Variants in SRRM4 observed in about 807,000 individuals in gnomAD.
The protein encoded by SRRM4 is serine/arginine repetitive matrix 4, also known as serine/arginine repetitive matrix protein 4.
Under a neutral mutation model 68.9 loss-of-function variants are expected in SRRM4, and 33 were observed. The ratio of observed to expected loss-of-function variants is 0.48; its 90% CI spans 0.36 to 0.64. The LOEUF is 0.64. Among genes scored for constraint, SRRM4 ranks in the 30% least tolerant of loss-of-function variants. SRRM4 has a pLI of 0.00. For synonymous variants in SRRM4, 318 were observed against 318.8 expected (o/e 1.00, Z 0.03); for missense variants, 817 against 827.1 (o/e 0.99, Z 0.15).
chr12:119,076,122 CAATG>C (rs1953914321), intron 1 of SRRM4, among the ~76,000 whole-genome samples: 1 of 151,348 alleles, frequency 6.6e-6, no homozygotes, highest in South Asian at 2.1e-4. Flanking sequence ...AGGATAGTGA[CAATG>C]AATGATGATG....
intron 1 of SRRM4, among the ~76,000 whole-genome samples, chr12:119,034,511 A>G (rs1213287592): frequency 6.6e-6 from 1 of 152,220 alleles, no homozygotes; most frequent in Non-Finnish European, 1.5e-5. Context: ...TAAAAATCTA[A>G]TGCATGCATA....
intron 1 of SRRM4, among the ~76,000 whole-genome samples, chr12:119,033,419 A>G (rs1450707914): frequency 6.6e-6 from 1 of 152,208 alleles, no homozygotes; most frequent in African/African-American, 2.4e-5. Flanking sequence ...TAATCCCAGC[A>G]CTTAGGGAGA....
chr12:119,079,137 G>A (rs1200848712), intron 1 of SRRM4, among the ~76,000 whole-genome samples: 1 of 152,098 alleles, frequency 6.6e-6, no homozygotes, highest in East Asian at 1.9e-4. Context: ...TGCAGGTGGA[G>A]GGAACTTCAT....
At chr12:119,025,305 T>C (rs976122787) in intron 1 of SRRM4, among the ~76,000 whole-genome samples, 17 of 151,982 alleles carry the variant, frequency 1.1e-4, no homozygotes, top group African/African-American at 4.1e-4. Flanking sequence ...GGCTGGAATA[T>C]ATGGTGCAAG....
intron 1 of SRRM4, among the ~76,000 whole-genome samples, chr12:119,095,565 G>A (rs1331184334): frequency 1.3e-5 from 2 of 152,088 alleles, no homozygotes; most frequent in Admixed American, 6.5e-5. Context: ...GGATTAGTAA[G>A]TCCTCTATAC....
chr12:119,156,394 G>A, intron 12 of SRRM4, 101 bp from the exon 13 acceptor site: 2 of 1,454,100 alleles, frequency 1.4e-6, no homozygotes, highest in South Asian at 2.9e-5. Context: ...AAGGGACTGG[G>A]GAAAGGGAGG....
intron 1 of SRRM4, among the ~76,000 whole-genome samples, chr12:119,081,956 T>C (rs921223976): frequency 3.9e-5 from 6 of 152,218 alleles, no homozygotes; most frequent in African/African-American, 9.6e-5. Flanking sequence ...TTGGAAACCA[T>C]TCTCAAATTT....
intron 1 of SRRM4, among the ~76,000 whole-genome samples, chr12:119,099,694 T>C (rs1954066917): frequency 6.6e-6 from 1 of 152,248 alleles, no homozygotes; most frequent in Non-Finnish European, 1.5e-5. Context: ...AGTCTCATCA[T>C]AAGGCTTGAC....
At position 118,991,514 on chromosome 12, in the gene SRRM4, G is replaced by A. The variant is rs148826942; in HGVS notation, c.131+9501G>A. Reference sequence around the variant, plus strand: ...TTGGCTAAAGCATACCTCTCCTAACGGTTGAGGCCTCATGAGGAGAGGGAC... The same window carrying A: ...TTGGCTAAAGCATACCTCTCCTAACAGTTGAGGCCTCATGAGGAGAGGGAC... On this transcript the variant is annotated intron_variant, in intron 1 of 12. Coordinates refer to ENST00000267260, the MANE Select transcript of SRRM4 (RefSeq NM_194286.4). Among the ~76,000 whole-genome samples, 418 of 152,290 alleles carry A rather than the reference G, an allele frequency of 2.7e-3. 1 individual carries two copies. The highest frequency in any genetic ancestry group is 2.6e-3 in the Non-Finnish European group (178 of 68,016).
At chr12:119,040,643 G>T (rs1344054908) in intron 1 of SRRM4, among the ~76,000 whole-genome samples, 2 of 152,194 alleles carry the variant, frequency 1.3e-5, no homozygotes, top group African/African-American at 4.8e-5. Context: ...GAATTGTGCT[G>T]CTATAAACAT....
At chr12:119,050,552 G>C (rs1210843254) in intron 1 of SRRM4, among the ~76,000 whole-genome samples, 3 of 152,222 alleles carry the variant, frequency 2.0e-5, no homozygotes, top group Non-Finnish European at 2.9e-5. Context: ...ACTTGCAGCA[G>C]AGTGTAAGAC....
chr12:119,093,700 T>C (rs1954027708), intron 1 of SRRM4, among the ~76,000 whole-genome samples: 1 of 152,118 alleles, frequency 6.6e-6, no homozygotes, highest in South Asian at 2.1e-4. Flanking sequence ...GGACTCCAGG[T>C]CCCATGCATT....
At chr12:119,007,734 G>A (rs989253191) in intron 1 of SRRM4, among the ~76,000 whole-genome samples, 5 of 152,106 alleles carry the variant, frequency 3.3e-5, no homozygotes, top group Non-Finnish European at 5.9e-5. Flanking sequence ...CTTGAAATAC[G>A]GTTCTCTTTT....
In SRRM4 at chr12:119,159,307, T is replaced by G. The variant is rs1294828668; in HGVS notation, c.*2509T>G. 1 of 152,274 alleles carries G rather than the reference T, an allele frequency of 6.6e-6. No individual in the cohort carries two copies. Among genetic ancestry groups the G allele is most frequent in the South Asian group, 2.1e-4 (1 of 4,820 alleles). The allele number at this position is 152,274 out of a possible 1,614,324, so 9.4% of individuals were successfully genotyped here. On this transcript the variant is annotated 3_prime_UTR_variant, in exon 13 of 13. Transcript: ENST00000267260. ...CCCAGAGGCTTATGAGCTACAGTGA[T>G]GAATTGACACAGTGGAGTTGCAACT...
intron 1 of SRRM4, among the ~76,000 whole-genome samples, chr12:119,082,794 C>T (rs1386871281): frequency 6.6e-6 from 1 of 152,224 alleles, no homozygotes; most frequent in Admixed American, 6.5e-5. Flanking sequence ...AAAAGCAGGG[C>T]TCTGCTTGCT....
intron 1 of SRRM4, among the ~76,000 whole-genome samples, chr12:119,021,816 A>T (rs1407639862): frequency 6.6e-6 from 1 of 152,086 alleles, no homozygotes; most frequent in Non-Finnish European, 1.5e-5. Context: ...CATTTTCTTT[A>T]TCTAGTCTAT....
intron 10 of SRRM4, among the ~76,000 whole-genome samples, chr12:119,151,577 T>C (rs1338567440): frequency 6.6e-6 from 1 of 152,190 alleles, no homozygotes; most frequent in Admixed American, 6.5e-5. Context: ...TCCCCAAACT[T>C]AGCATCTTTA....
At chr12:119,110,057 A>T (rs1224738923) in intron 2 of SRRM4, among the ~76,000 whole-genome samples, 1 of 152,234 alleles carries the variant, frequency 6.6e-6, no homozygotes, top group African/African-American at 2.4e-5. Flanking sequence ...CAGGACCCTC[A>T]GCTGCAGGTC....
At chr12:119,120,044 T>A (rs528838752) in intron 4 of SRRM4, among the ~76,000 whole-genome samples, 1 of 146,040 alleles carries the variant, frequency 6.8e-6, no homozygotes, top group South Asian at 2.2e-4. Flanking sequence ...AACATGCTGA[T>A]ACCTTCATAC....
Sources: gnomAD v4.1 joint callset for allele counts (sites outside exome capture counted in the v4.1 genomes callset) on GRCh38, gnomAD v4.1.1 for gene constraint, MANE v1.5 for transcripts, NCBI Gene and HGNC (gene_info 2026-07-23, HGNC 2026-07-21) for gene names.